The following CELF2 variants were observed in gnomAD, a reference collection of about 807,000 sequenced individuals.
The protein encoded by CELF2 is CUG triplet repeat RNA-binding protein 2.
Under a neutral mutation model 62.6 loss-of-function variants are expected in CELF2, and 8 were observed. That is an observed-to-expected ratio of 0.13 (90% CI 0.07 to 0.23). The LOEUF is 0.23. Among genes scored for constraint, CELF2 ranks in the 10% least tolerant of loss-of-function variants. The pLI, the probability that CELF2 is intolerant of heterozygous loss-of-function variation, is 1.00. For missense variants in CELF2, 333 were observed against 671.0 expected (o/e 0.50, Z 5.56); for synonymous variants, 258 against 250.0 (o/e 1.03, Z -0.30).
the CELF2 span, among the ~76,000 whole-genome samples, chr10:10,659,794 A>G: frequency 6.6e-6 from 1 of 152,072 alleles, no homozygotes; most frequent in Non-Finnish European, 1.5e-5. Context: ...TCATTCAACA[A>G]CTGTACCCTT....
At chr10:10,847,088 G>A (rs2132666225) in intron 1 of CELF2, among the ~76,000 whole-genome samples, 1 of 152,074 alleles carries the variant, frequency 6.6e-6, no homozygotes, top group South Asian at 2.1e-4. Context: ...AAGTTAAACA[G>A]TAGCTTAATA....
the CELF2 span, among the ~76,000 whole-genome samples, chr10:10,789,547 A>G: frequency 6.6e-6 from 1 of 152,216 alleles, no homozygotes; most frequent in Admixed American, 6.5e-5. Flanking sequence ...ATGCTACCAA[A>G]TTGCTTTCTG....
chr10:10,797,642 G>C (rs191912012), upstream of CELF2, among the ~76,000 whole-genome samples: 3 of 152,142 alleles, frequency 2.0e-5, no homozygotes, highest in Non-Finnish European at 4.4e-5. Context: ...AAATCTTGAC[G>C]GGCTGGCCAG....
At chr10:10,539,132 T>C in the CELF2 span, among the ~76,000 whole-genome samples, 1 of 152,240 alleles carries the variant, frequency 6.6e-6, no homozygotes, top group Admixed American at 6.5e-5. Flanking sequence ...ACTGATGAAC[T>C]GGTTAAGAGT....
intron 2 of CELF2, among the ~76,000 whole-genome samples, chr10:10,996,624 T>C (rs1266364969): frequency 6.6e-6 from 1 of 152,268 alleles, no homozygotes; most frequent in Non-Finnish European, 1.5e-5. Flanking sequence ...CTCATAACTT[T>C]GTATGTATAT....
At chr10:10,698,802 G>C in the CELF2 span, among the ~76,000 whole-genome samples, 1 of 152,120 alleles carries the variant, frequency 6.6e-6, no homozygotes, top group Admixed American at 6.5e-5. Flanking sequence ...CAAAAGGAAG[G>C]GTGTCTAGAG....
chr10:10,680,064 C>A, the CELF2 span, among the ~76,000 whole-genome samples: 1 of 152,130 alleles, frequency 6.6e-6, no homozygotes, highest in African/African-American at 2.4e-5. Flanking sequence ...GATCAAGAAT[C>A]ATTAGCATTC....
At chr10:10,776,034 A>G in the CELF2 span, among the ~76,000 whole-genome samples, 2 of 152,240 alleles carry the variant, frequency 1.3e-5, no homozygotes, top group Non-Finnish European at 2.9e-5. Flanking sequence ...GATGTGCTCA[A>G]CAGAGGCATC....
chr10:10,578,645 C>T, the CELF2 span, among the ~76,000 whole-genome samples: 2 of 152,076 alleles, frequency 1.3e-5, no homozygotes, highest in African/African-American at 2.4e-5. Context: ...CATGCAAGCA[C>T]ACCCCAGCCC....
At chr10:11,298,354 G>T (rs1336224480) in intron 9 of CELF2, among the ~76,000 whole-genome samples, 1 of 152,250 alleles carries the variant, frequency 6.6e-6, no homozygotes, top group Non-Finnish European at 1.5e-5. Flanking sequence ...TCAGGGCTGA[G>T]TCAGCAGGTG....
the CELF2 span, among the ~76,000 whole-genome samples, chr10:10,529,495 G>A: frequency 6.6e-6 from 1 of 152,030 alleles, no homozygotes; most frequent in South Asian, 2.1e-4. Flanking sequence ...GACCAGCCTG[G>A]CCAACATGGG....
intron 1 of CELF2, among the ~76,000 whole-genome samples, chr10:11,026,041 A>T (rs1031319281): frequency 6.7e-6 from 1 of 149,428 alleles, no homozygotes. Flanking sequence ...GCTACTCCTG[A>T]GGTCTTTTCA....
At chr10:11,086,046 G>A (rs2046622087) in intron 1 of CELF2, among the ~76,000 whole-genome samples, 1 of 152,080 alleles carries the variant, frequency 6.6e-6, no homozygotes, top group African/African-American at 2.4e-5. Context: ...GTTAGCTATT[G>A]TTATTGCCAA....
At chr10:11,283,166 C>T (rs1364813465) in intron 8 of CELF2, among the ~76,000 whole-genome samples, 1 of 152,226 alleles carries the variant, frequency 6.6e-6, no homozygotes, top group Non-Finnish European at 1.5e-5. Context: ...GAAGGGATGA[C>T]ATCTCTTGCA....
the CELF2 span, among the ~76,000 whole-genome samples, chr10:10,739,837 T>C: frequency 5.3e-5 from 8 of 152,370 alleles, no homozygotes; most frequent in Admixed American, 5.2e-4. Flanking sequence ...ATTTCCCTGA[T>C]GATTAGCAAT....
rs1180681649 is a variant in CELF2, at chr10:11,157,636, T to C, written c.75-7850T>C. Among the ~76,000 whole-genome samples the C allele has an allele frequency of 6.6e-6, 1 of 152,162 alleles. No individual in the cohort carries two copies. Among genetic ancestry groups the C allele is most frequent in the Non-Finnish European group, 1.5e-5 (1 of 68,024 alleles). ...GGACATAAATGACCTATTTTTCAGC[T>C]CTCTCACCTTCAAACCTACCACTGT... On this transcript the variant is annotated intron_variant, in intron 1 of 12. Coordinates refer to ENST00000633077, the MANE Select transcript of CELF2 (RefSeq NM_001326342.2). The surrounding 1 kb of genome is among the most constrained non-coding windows in gnomAD (Gnocchi z 4.9).
At chr10:11,253,068 G>A (rs1363152577) in intron 4 of CELF2, among the ~76,000 whole-genome samples, 2 of 152,180 alleles carry the variant, frequency 1.3e-5, no homozygotes, top group Non-Finnish European at 2.9e-5. Context: ...AGCAGTTGCT[G>A]AAGTTAGGCT....
In CELF2 at chr10:11,046,553, C is replaced by T. The variant is rs1213130099; in HGVS notation, c.74+28390C>T. ...TTCTTTTATGTCTTGGGCATGTGGG[C>T]TCAGTGCTAATTTTCATGGCTTCTG... On this transcript the variant is annotated intron_variant, in intron 1 of 12. Coordinates refer to ENST00000633077, the MANE Select transcript of CELF2 (RefSeq NM_001326342.2). The surrounding 1 kb of genome is among the most constrained non-coding windows in gnomAD (Gnocchi z 4.6). Among the ~76,000 whole-genome samples, 2 of 152,152 alleles carry T rather than the reference C, an allele frequency of 1.3e-5. No homozygotes were observed. The highest frequency in any genetic ancestry group is 1.9e-4 in the East Asian group (1 of 5,196).
At chr10:10,741,372 G>A in the CELF2 span, among the ~76,000 whole-genome samples, 68 of 151,804 alleles carry the variant, frequency 4.5e-4, no homozygotes, top group East Asian at 5.1e-3. Context: ...TTAGCTGGGC[G>A]TGGTGGTGGG....
Sources: allele counts gnomAD v4.1 joint callset (sites outside exome capture counted in the v4.1 genomes callset), GRCh38; gene constraint gnomAD v4.1.1; non-coding constraint Gnocchi (gnomAD v3.1); transcripts MANE v1.5; gene names NCBI Gene and HGNC (gene_info 2026-07-23, HGNC 2026-07-21).